The following ZCCHC7 variants were observed in gnomAD, a reference collection of about 807,000 sequenced individuals.
ZCCHC7 encodes zinc finger CCHC domain-containing protein 7.
ZCCHC7 carries 35 observed loss-of-function variants against 52.0 expected under a neutral mutation model. The ratio of observed to expected loss-of-function variants is 0.67; its 90% CI spans 0.51 to 0.89. The LOEUF (loss-of-function observed/expected upper bound fraction) is 0.89, where lower values mean the gene tolerates loss of function less well. ZCCHC7 is among the 40% of genes least tolerant of loss of function. The pLI, the probability that ZCCHC7 is intolerant of heterozygous loss-of-function variation, is 0.00. For missense variants in ZCCHC7, 574 were observed against 649.1 expected, an observed-to-expected ratio of 0.88 and a Z score of 1.26; for synonymous variants, 217 against 221.5, an observed-to-expected ratio of 0.98 and a Z score of 0.18.
chr9:37,314,415 T>C (rs990030281), intron 5 of ZCCHC7, among the ~76,000 whole-genome samples: 3 of 152,214 alleles, frequency 2.0e-5, no homozygotes, highest in East Asian at 1.9e-4. Flanking sequence ...TTCAAACTTA[T>C]TATATGCCAC....
chr9:37,214,796 C>T (rs1438872372), intron 2 of ZCCHC7, among the ~76,000 whole-genome samples: 1 of 151,962 alleles, frequency 6.6e-6, no homozygotes, highest in Non-Finnish European at 1.5e-5. Flanking sequence ...AGATACTATT[C>T]TTCCTCAGCA....
intron 6 of ZCCHC7, among the ~76,000 whole-genome samples, chr9:37,347,419 G>A (rs1054092296): frequency 6.6e-6 from 1 of 152,110 alleles, no homozygotes; most frequent in Non-Finnish European, 1.5e-5. Flanking sequence ...AGGTAATTGA[G>A]GTTCTTGCTA....
chr9:37,318,971 T>C (rs1038861955), intron 5 of ZCCHC7, among the ~76,000 whole-genome samples: 1 of 151,858 alleles, frequency 6.6e-6, no homozygotes, highest in Non-Finnish European at 1.5e-5. Flanking sequence ...GAGTAAAATA[T>C]TCCAAAATAT....
intron 6 of ZCCHC7, among the ~76,000 whole-genome samples, chr9:37,347,587 C>G (rs980635725): frequency 6.6e-6 from 1 of 152,066 alleles, no homozygotes; most frequent in South Asian, 2.1e-4. Context: ...TTCAGCTATG[C>G]CAATATCCTG....
At chr9:37,185,785 A>G (rs1036027513) in intron 2 of ZCCHC7, among the ~76,000 whole-genome samples, 1 of 152,094 alleles carries the variant, frequency 6.6e-6, no homozygotes, top group Non-Finnish European at 1.5e-5. Context: ...TCACCTCAAG[A>G]TCCTTAATTA....
At chr9:37,250,770 A>G (rs1254586659) in intron 2 of ZCCHC7, among the ~76,000 whole-genome samples, 2 of 152,128 alleles carry the variant, frequency 1.3e-5, no homozygotes, top group Non-Finnish European at 2.9e-5. Flanking sequence ...ATGAGGTTGC[A>G]TTATTTAATT....
chr9:37,129,716 G>A (rs2132702464), intron 2 of ZCCHC7, among the ~76,000 whole-genome samples: 1 of 152,262 alleles, frequency 6.6e-6, no homozygotes, highest in South Asian at 2.1e-4. Flanking sequence ...CAGAATTATG[G>A]CATACTGAAA....
At position 37,253,753 on chromosome 9, in the gene ZCCHC7, T is replaced by G. The variant is rs189564909; in HGVS notation, c.611-48435T>G. Among the ~76,000 whole-genome samples the G allele has an allele frequency of 2.8e-4, 42 of 152,138 alleles. No homozygotes were observed. The East Asian group carries it at 7.9e-3, about 29-fold the overall frequency. Reference sequence around the variant, plus strand: ...TATCACATGTCATCACAACATAGATTAAAAAACAAAACCGTTTTTATGATT... The same window carrying G: ...TATCACATGTCATCACAACATAGATGAAAAAACAAAACCGTTTTTATGATT... On this transcript the variant is annotated intron_variant, in intron 2 of 8. Transcript: ENST00000336755.
intron 2 of ZCCHC7, among the ~76,000 whole-genome samples, chr9:37,220,222 T>C (rs763269548): frequency 1.3e-5 from 2 of 152,168 alleles, no homozygotes; most frequent in Non-Finnish European, 2.9e-5. Context: ...CTGATTAGAC[T>C]GTTAAGATTG....
At chr9:37,212,059 A>AAAAG (rs1824263693) in intron 2 of ZCCHC7, among the ~76,000 whole-genome samples, 4 of 145,574 alleles carry the variant, frequency 2.7e-5, no homozygotes, top group African/African-American at 1.0e-4. Flanking sequence ...AAAAAAAAAA[A>AAAAG]AAAAAAGAAA....
At chr9:37,183,892 G>A (rs1429493844) in intron 2 of ZCCHC7, among the ~76,000 whole-genome samples, 1 of 152,132 alleles carries the variant, frequency 6.6e-6, no homozygotes, top group Non-Finnish European at 1.5e-5. Flanking sequence ...ATGCTATTCC[G>A]CCCTCTACCC....
At chr9:37,188,639 T>C (rs1309877439) in intron 2 of ZCCHC7, among the ~76,000 whole-genome samples, 5 of 16,136 alleles carry the variant, frequency 3.1e-4, no homozygotes, top group Admixed American at 5.4e-4. Context: ...TCCTTTCCCC[T>C]CCCCCTCCCC....
chr9:37,250,023 G>T (rs1479053216), intron 2 of ZCCHC7, among the ~76,000 whole-genome samples: 2 of 137,946 alleles, frequency 1.4e-5, no homozygotes, highest in African/African-American at 7.1e-5. Context: ...TCTGATTCCT[G>T]TTCTTCTAAT....
intron 5 of ZCCHC7, among the ~76,000 whole-genome samples, chr9:37,311,271 C>G (rs376935824): frequency 1.3e-3 from 193 of 152,222 alleles, no homozygotes; most frequent in African/African-American, 4.3e-3. Flanking sequence ...CCTAAATTTC[C>G]TACCTTTATT....
chr9:37,324,753 C>T (rs1199250437), intron 5 of ZCCHC7, among the ~76,000 whole-genome samples: 3 of 152,168 alleles, frequency 2.0e-5, no homozygotes, highest in African/African-American at 7.2e-5. Flanking sequence ...CGTTCAAGGG[C>T]TCTCTCTAGT....
chr9:37,225,985 A>T (rs1043535746), intron 2 of ZCCHC7, among the ~76,000 whole-genome samples: 1 of 152,244 alleles, frequency 6.6e-6, no homozygotes, highest in Admixed American at 6.5e-5. Context: ...AGGCAGACGA[A>T]ATGGAAAGAA....
At chr9:37,122,667 C>T (rs540065972) in intron 1 of ZCCHC7, among the ~76,000 whole-genome samples, 25 of 152,328 alleles carry the variant, frequency 1.6e-4, no homozygotes, top group Non-Finnish European at 2.6e-4. Flanking sequence ...GGGCCATGTG[C>T]GGTGGCTCAC....
chr9:37,285,378 G>C (rs772627851), intron 2 of ZCCHC7, among the ~76,000 whole-genome samples: 1 of 151,980 alleles, frequency 6.6e-6, no homozygotes, highest in African/African-American at 2.4e-5. Flanking sequence ...TCTTGAGATG[G>C]TATTTTCGAA....
intron 2 of ZCCHC7, among the ~76,000 whole-genome samples, chr9:37,216,948 A>G (rs1824541050): frequency 1.3e-5 from 2 of 152,112 alleles, no homozygotes; most frequent in Non-Finnish European, 2.9e-5. Context: ...TAAGATATTC[A>G]TATTTACTCA....
Sources: gnomAD v4.1 joint callset for allele counts (sites outside exome capture counted in the v4.1 genomes callset) on GRCh38, gnomAD v4.1.1 for gene constraint, MANE v1.5 for transcripts, NCBI Gene and HGNC (gene_info 2026-07-23, HGNC 2026-07-21) for gene names.